GRIA4: variants seen among roughly 807,000 people sequenced by gnomAD.
The protein encoded by GRIA4 is glutamate ionotropic receptor AMPA type subunit 4, also known as glutamate receptor 4.
In GRIA4, 34 loss-of-function variants were observed where a neutral mutation model predicts 104.0. That is an observed-to-expected ratio of 0.33 (90% CI 0.25 to 0.44). The LOEUF (loss-of-function observed/expected upper bound fraction) is 0.44, where lower values mean the gene tolerates loss of function less well. GRIA4 is among the 20% of genes least tolerant of loss of function. GRIA4 has a pLI of 1.00. For synonymous variants in GRIA4, 386 were observed against 381.9 expected (o/e 1.01, Z -0.13); for missense variants, 750 against 1,096.5 (o/e 0.68, Z 4.46).
At chr11:105,626,305 A>C (rs1950885623) in intron 3 of GRIA4, among the ~76,000 whole-genome samples, 1 of 152,056 alleles carries the variant, frequency 6.6e-6, no homozygotes. Context: ...TTCAGATTGA[A>C]AAGAAATGAC....
chr11:105,934,522 G>A (rs1947976646), intron 14 of GRIA4, among the ~76,000 whole-genome samples: 1 of 152,034 alleles, frequency 6.6e-6, no homozygotes, highest in East Asian at 1.9e-4. Flanking sequence ...AGGAAAAAAT[G>A]AGCTCTGGTT....
intron 3 of GRIA4, among the ~76,000 whole-genome samples, chr11:105,738,452 T>C (rs1939093167): frequency 6.6e-6 from 1 of 152,166 alleles, no homozygotes; most frequent in Non-Finnish European, 1.5e-5. Context: ...CACAGAGTTA[T>C]GTGGAGTGGT....
intron 4 of GRIA4, among the ~76,000 whole-genome samples, chr11:105,806,291 G>C (rs1018238767): frequency 2.0e-5 from 3 of 151,692 alleles, no homozygotes; most frequent in Non-Finnish European, 4.4e-5. Flanking sequence ...AGAGATTTCA[G>C]GTATTTAATT....
chr11:105,733,808 C>T (rs909304297), intron 3 of GRIA4, among the ~76,000 whole-genome samples: 3 of 134,268 alleles, frequency 2.2e-5, no homozygotes, highest in African/African-American at 8.0e-5. Context: ...GTAGTCGATA[C>T]CCCTTCCATT....
intron 4 of GRIA4, among the ~76,000 whole-genome samples, chr11:105,772,346 T>C (rs895110457): frequency 6.6e-6 from 1 of 152,160 alleles, no homozygotes; most frequent in African/African-American, 2.4e-5. Flanking sequence ...GTTCCATAGA[T>C]TGAGGTCTGC....
At chr11:105,655,245 A>G (rs566014498) in intron 3 of GRIA4, among the ~76,000 whole-genome samples, 3 of 151,630 alleles carry the variant, frequency 2.0e-5, no homozygotes, top group African/African-American at 7.3e-5. Flanking sequence ...TTTGTTTCAT[A>G]TCATCATTTT....
At chr11:105,709,611 T>G (rs899461274) in intron 3 of GRIA4, among the ~76,000 whole-genome samples, 2 of 152,090 alleles carry the variant, frequency 1.3e-5, no homozygotes, top group East Asian at 3.9e-4. Flanking sequence ...CATACAGGCA[T>G]GACATTCCTC....
chr11:105,699,853 C>T (rs925703948), intron 3 of GRIA4, among the ~76,000 whole-genome samples: 8 of 152,206 alleles, frequency 5.3e-5, no homozygotes, highest in Non-Finnish European at 1.2e-4. Flanking sequence ...TCCCCTTACC[C>T]GGCTTTATTA....
chr11:105,633,835 G>A (rs1049780063), intron 3 of GRIA4, among the ~76,000 whole-genome samples: 1 of 152,086 alleles, frequency 6.6e-6, no homozygotes, highest in African/African-American at 2.4e-5. Context: ...CTATCCTAAT[G>A]GAGCCTCAAA....
At chr11:105,886,455 T>C (rs1591396764) in intron 5 of GRIA4, among the ~76,000 whole-genome samples, 2 of 151,972 alleles carry the variant, frequency 1.3e-5, no homozygotes, top group African/African-American at 4.8e-5. Context: ...CAGCTATTTT[T>C]TTCTGTACCC....
chr11:105,717,531 G>GT (rs1011903978), intron 3 of GRIA4, among the ~76,000 whole-genome samples: 70 of 149,426 alleles, frequency 4.7e-4, no homozygotes, highest in Admixed American at 1.5e-3. Flanking sequence ...ATTCTTACAA[G>GT]TTTTTTTTTT....
chr11:105,624,209 T>C (rs1950827442), intron 3 of GRIA4, among the ~76,000 whole-genome samples: 1 of 152,162 alleles, frequency 6.6e-6, no homozygotes, highest in South Asian at 2.1e-4. Flanking sequence ...TTAATGCTAA[T>C]TGACGTACAT....
At chr11:105,915,263 C>T (rs1430704992) in intron 10 of GRIA4, among the ~76,000 whole-genome samples, 8 of 152,138 alleles carry the variant, frequency 5.3e-5, no homozygotes, top group Non-Finnish European at 7.3e-5. Context: ...ATTGTTTATG[C>T]CCCTGGATAG....
At chr11:105,876,390 G>A (rs1264800451) in intron 5 of GRIA4, among the ~76,000 whole-genome samples, 1 of 152,200 alleles carries the variant, frequency 6.6e-6, no homozygotes, top group East Asian at 1.9e-4. Flanking sequence ...TGTATATTCT[G>A]TTGATTTGGG....
At chr11:105,798,097 C>T (rs1942565500) in intron 4 of GRIA4, among the ~76,000 whole-genome samples, 1 of 152,078 alleles carries the variant, frequency 6.6e-6, no homozygotes, top group Non-Finnish European at 1.5e-5. Flanking sequence ...TAAACACACA[C>T]ACATACACAC....
chr11:105,811,072 T>C (rs1006856804), intron 4 of GRIA4, among the ~76,000 whole-genome samples: 1 of 152,134 alleles, frequency 6.6e-6, no homozygotes, highest in Non-Finnish European at 1.5e-5. Flanking sequence ...TTGGGAGCGA[T>C]GAGTTGCATT....
intron 2 of GRIA4, among the ~76,000 whole-genome samples, 174 bp downstream of exon 2, chr11:105,611,259 T>G (rs545046897): frequency 1.3e-5 from 2 of 152,196 alleles, no homozygotes; most frequent in Admixed American, 1.3e-4. Context: ...TAGTGCAGGT[T>G]CCGTTGGAAT....
At chr11:105,913,134 C>A in intron 10 of GRIA4, 1 of 593,866 alleles carries the variant, frequency 1.7e-6, no homozygotes, top group Non-Finnish European at 2.1e-6. Flanking sequence ...ATTTATTGAG[C>A]GTCTGCTATG....
chr11:105,898,893 T>A (rs1372073607), intron 7 of GRIA4, among the ~76,000 whole-genome samples: 2 of 152,286 alleles, frequency 1.3e-5, no homozygotes, highest in East Asian at 3.9e-4. Context: ...ACTGAAATTG[T>A]GAACATATGC....
Sources: allele counts gnomAD v4.1 joint callset (sites outside exome capture counted in the v4.1 genomes callset), GRCh38; gene constraint gnomAD v4.1.1; transcripts MANE v1.5; gene names NCBI Gene and HGNC (gene_info 2026-07-23, HGNC 2026-07-21).